LRIG1: variants seen among roughly 807,000 people sequenced by gnomAD.
LRIG1 encodes leucine rich repeats and immunoglobulin like domains 1, also known as leucine-rich repeats and immunoglobulin-like domains protein 1.
In LRIG1, 48 loss-of-function variants were observed where a neutral mutation model predicts 99.2. That is an observed-to-expected ratio of 0.48 (90% confidence interval 0.38 to 0.62). LRIG1 has a LOEUF of 0.62. Among genes scored for constraint, LRIG1 ranks in the 20% least tolerant of loss-of-function variants. LRIG1 has a pLI of 0.00. For missense variants in LRIG1, 1,646 were observed against 1,434.4 expected (o/e 1.15, Z -2.38); for synonymous variants, 772 against 596.1 (o/e 1.29, Z -4.30).
Position 66,413,310 on chromosome 3 carries a change from C to T in LRIG1, c.648-296G>A, listed in dbSNP as rs564659564. Among the ~76,000 whole-genome samples the T allele has an allele frequency of 7.2e-5, 11 of 152,340 alleles. No individual in the cohort carries two copies. In the South Asian group the frequency reaches 1.2e-3, roughly 17 times the overall value. On this transcript the variant is annotated intron_variant, in intron 5 of 18. Transcript: ENST00000273261. ...GAAGAGAACGCGTGTGTGCTCACGTCTCCTCCCCCAGTAGCACCAGTGCCA... is the reference window on the plus strand; with the variant it reads ...GAAGAGAACGCGTGTGTGCTCACGTTTCCTCCCCCAGTAGCACCAGTGCCA...
intron 3 of LRIG1, among the ~76,000 whole-genome samples, chr3:66,433,817 C>T (rs1703255939): frequency 1.3e-5 from 2 of 152,228 alleles, no homozygotes; most frequent in Non-Finnish European, 2.9e-5. Flanking sequence ...AGCACCCCTT[C>T]TCTGTACCCC....
At chr3:66,403,787 G>C (rs539647337) in intron 9 of LRIG1, among the ~76,000 whole-genome samples, 1 of 152,316 alleles carries the variant, frequency 6.6e-6, no homozygotes, top group Non-Finnish European at 1.5e-5. Context: ...GCCCCACGAG[G>C]AACCTGGCAG....
intron 2 of LRIG1, among the ~76,000 whole-genome samples, chr3:66,452,955 T>C (rs1470554888): frequency 3.3e-5 from 5 of 152,204 alleles, no homozygotes; most frequent in East Asian, 3.8e-4. Flanking sequence ...TGTTTGTGTG[T>C]TGAAATAGAC....
intron 3 of LRIG1, among the ~76,000 whole-genome samples, chr3:66,441,888 T>C (rs1193142162): frequency 6.6e-6 from 1 of 152,218 alleles, no homozygotes; most frequent in Admixed American, 6.5e-5. Context: ...ACTTGCCGTC[T>C]CTGTGCTTTA....
intron 3 of LRIG1, among the ~76,000 whole-genome samples, chr3:66,448,218 A>G (rs9867624): frequency 1.3e-5 from 2 of 152,174 alleles, no homozygotes; most frequent in Non-Finnish European, 2.9e-5. Context: ...TCTTTTGAAG[A>G]CCTGACAGAA....
chr3:66,461,485 A>G (rs1700353160), intron 2 of LRIG1, among the ~76,000 whole-genome samples: 1 of 152,222 alleles, frequency 6.6e-6, no homozygotes, highest in African/African-American at 2.4e-5. Flanking sequence ...AGGACATTCA[A>G]AAACTTTTAA....
chr3:66,446,403 CT>C (rs1178928806), intron 3 of LRIG1, among the ~76,000 whole-genome samples: 7,278 of 129,126 alleles, frequency 0.056, 103 homozygotes, highest in South Asian at 0.11. Context: ...GCCCACCCGC[CT>C]TTTTTTTTTT....
In LRIG1 at chr3:66,500,879, CCGCGCTGGGAGG is replaced by C. The variant is rs1701343542; in HGVS notation, c.-484_-473del. 1.3e-5 allele frequency: 2 copies of C among 151,898 alleles called. No individual in the cohort carries two copies. The highest frequency in any genetic ancestry group is 4.8e-5 in the African/African-American group (2 of 41,394). 9.4% of individuals were successfully genotyped at this position (151,898 alleles called of 1,614,324 possible). ...CTCGGGCTGGACGGCGCGGCCGGCCCCGCGCTGGGAGGCCCCAGTGCGCCTCGCTGTCCCCAC... is the reference window on the plus strand; with the variant it reads ...CTCGGGCTGGACGGCGCGGCCGGCCCCCCCAGTGCGCCTCGCTGTCCCCAC... On this transcript the variant is annotated 5_prime_UTR_variant, in exon 1 of 19. Coordinates refer to ENST00000273261, the MANE Select transcript of LRIG1 (RefSeq NM_015541.3).
At position 66,466,214 on chromosome 3, in the gene LRIG1, A is replaced by G. The variant is rs182258523; in HGVS notation, c.219-3705T>C. The stretch of plus-strand genomic sequence containing the variant: ...ACACCTGGCTAAATTTTACTTTTTT[A>G]GTAGACATGGTGGGGGGAGGGTCTC... On this transcript the variant is annotated intron_variant, in intron 1 of 18. Coordinates refer to ENST00000273261, the MANE Select transcript of LRIG1 (RefSeq NM_015541.3). Among the ~76,000 whole-genome samples, 3 of 152,152 alleles carry G rather than the reference A, an allele frequency of 2.0e-5. No homozygotes were observed. The East Asian group carries it at 5.8e-4, about 30-fold the overall frequency.
chr3:66,421,214 A>T (rs9834684), intron 3 of LRIG1, among the ~76,000 whole-genome samples: 4,869 of 152,196 alleles, frequency 0.032, 263 homozygotes, highest in African/African-American at 0.11. Flanking sequence ...CAAATCTCAC[A>T]TCCTCACATT....
intron 12 of LRIG1, chr3:66,388,128 A>AAAAAAC (rs1317604319): frequency 4.7e-5 from 7 of 150,408 alleles, no homozygotes; most frequent in Non-Finnish European, 1.0e-4. Context: ...AAAAAAAAAA[A>AAAAAAC]AAAAGGATAA....
chr3:66,420,397 G>C (rs1040282929), intron 3 of LRIG1, among the ~76,000 whole-genome samples: 2 of 152,172 alleles, frequency 1.3e-5, no homozygotes, highest in African/African-American at 2.4e-5. Flanking sequence ...TGCAGAAGAA[G>C]ACATTATGGA....
At chr3:66,390,932 T>C (rs538544565) in intron 12 of LRIG1, among the ~76,000 whole-genome samples, 26 of 152,130 alleles carry the variant, frequency 1.7e-4, no homozygotes, top group Non-Finnish European at 3.7e-4. Context: ...AGGTCTCATA[T>C]CCAGAATACA....
intron 6 of LRIG1, among the ~76,000 whole-genome samples, chr3:66,412,205 CA>C: frequency 6.6e-6 from 1 of 152,294 alleles, no homozygotes; most frequent in East Asian, 1.9e-4. Context: ...GATTAGCTCA[CA>C]AGACAGAAAT....
At chr3:66,396,630 C>T (rs565475479) in intron 11 of LRIG1, among the ~76,000 whole-genome samples, 2 of 152,334 alleles carry the variant, frequency 1.3e-5, no homozygotes, top group African/African-American at 4.8e-5. Context: ...TGCAGAAGCA[C>T]GCTGGAGGTC....
chr3:66,401,527 A>G, intron 9 of LRIG1: 1 of 938,718 alleles, frequency 1.1e-6, no homozygotes, highest in Non-Finnish European at 1.5e-6. Flanking sequence ...TTTAACGGTG[A>G]CAATAGCAAT....
chr3:66,491,748 A>G (rs191217875), intron 1 of LRIG1, among the ~76,000 whole-genome samples: 20 of 152,348 alleles, frequency 1.3e-4, no homozygotes, highest in Admixed American at 2.0e-4. Flanking sequence ...AAATAAATAA[A>G]TAACATGGAA....
At chr3:66,452,824 G>A (rs749605585) in intron 2 of LRIG1, among the ~76,000 whole-genome samples, 4 of 152,142 alleles carry the variant, frequency 2.6e-5, no homozygotes, top group Non-Finnish European at 5.9e-5. Context: ...GATGAAGCTT[G>A]GCAATTACTG....
intron 3 of LRIG1, among the ~76,000 whole-genome samples, chr3:66,433,325 G>C (rs1703241661): frequency 1.3e-5 from 2 of 152,232 alleles, no homozygotes; most frequent in South Asian, 2.1e-4. Flanking sequence ...CAGTAAGCCA[G>C]ACCAGACAGC....
Sources: gnomAD v4.1 joint callset for allele counts (sites outside exome capture counted in the v4.1 genomes callset) on GRCh38, gnomAD v4.1.1 for gene constraint, MANE v1.5 for transcripts, NCBI Gene and HGNC (gene_info 2026-07-23, HGNC 2026-07-21) for gene names.